CNBD1: variants seen among roughly 807,000 people sequenced by gnomAD.
CNBD1 encodes cyclic nucleotide-binding domain-containing protein 1.
Under a neutral mutation model 54.4 loss-of-function variants are expected in CNBD1, and 71 were observed. The ratio of observed to expected loss-of-function variants is 1.30; its 90% CI spans 1.08 to 1.59. The LOEUF is 1.59. Among genes scored for constraint, CNBD1 ranks in the 40% most tolerant of loss-of-function variants. The pLI is 0.00. For synonymous variants in CNBD1, 182 were observed against 170.7 expected, an observed-to-expected ratio of 1.07 and a Z score of -0.51; for missense variants, 659 against 518.0, an observed-to-expected ratio of 1.27 and a Z score of -2.64.
At chr8:87,208,396 A>G (rs77296820) in intron 5 of CNBD1, among the ~76,000 whole-genome samples, 1,853 of 151,898 alleles carry the variant, frequency 0.012, 18 homozygotes, top group South Asian at 0.05. Flanking sequence ...TTATTATATT[A>G]TTTACTGACT....
intron 4 of CNBD1, among the ~76,000 whole-genome samples, chr8:86,993,114 T>C (rs1056989516): frequency 6.6e-5 from 10 of 152,192 alleles, no homozygotes; most frequent in Non-Finnish European, 1.5e-4. Flanking sequence ...TTGGTCTCTT[T>C]ATATAATCCA....
chr8:87,045,492 G>T (rs1462918010), intron 4 of CNBD1, among the ~76,000 whole-genome samples: 3 of 152,076 alleles, frequency 2.0e-5, no homozygotes, highest in East Asian at 1.9e-4. Context: ...TTGGGAGGCG[G>T]AGGCGGGCGG....
chr8:86,892,069 C>G (rs1808776549), intron 2 of CNBD1, among the ~76,000 whole-genome samples: 1 of 151,832 alleles, frequency 6.6e-6, no homozygotes, highest in Non-Finnish European at 1.5e-5. Flanking sequence ...TGCCTAATTG[C>G]TCTGGCTAAA....
At chr8:87,268,967 C>G (rs1808313497) in intron 6 of CNBD1, among the ~76,000 whole-genome samples, 1 of 151,860 alleles carries the variant, frequency 6.6e-6, no homozygotes, top group Non-Finnish European at 1.5e-5. Context: ...TTGCAATTAC[C>G]TTTGGGGACT....
intron 4 of CNBD1, among the ~76,000 whole-genome samples, chr8:87,041,112 G>A (rs1041222369): frequency 3.3e-5 from 5 of 152,038 alleles, no homozygotes; most frequent in Admixed American, 6.6e-5. Flanking sequence ...TATATTTTTA[G>A]TGAGGTTCCA....
chr8:87,152,261 G>C (rs893941493), intron 4 of CNBD1, among the ~76,000 whole-genome samples: 2 of 152,072 alleles, frequency 1.3e-5, no homozygotes, highest in Admixed American at 1.3e-4. Flanking sequence ...AAATAGTAGG[G>C]CTTTGCTAAA....
At chr8:87,256,122 A>G (rs1046264489) in intron 6 of CNBD1, among the ~76,000 whole-genome samples, 1 of 144,408 alleles carries the variant, frequency 6.9e-6, no homozygotes, top group African/African-American at 2.6e-5. Context: ...TCCTGGGTTC[A>G]AGCGATTCTC....
chr8:87,253,729 G>A (rs1332046157), intron 6 of CNBD1, among the ~76,000 whole-genome samples: 2 of 152,134 alleles, frequency 1.3e-5, no homozygotes, highest in East Asian at 1.9e-4. Context: ...ACAGAAATGA[G>A]CATTTAAGTG....
intron 4 of CNBD1, among the ~76,000 whole-genome samples, chr8:87,176,059 T>A (rs948350790): frequency 3.9e-5 from 6 of 152,196 alleles, no homozygotes; most frequent in African/African-American, 1.4e-4. Flanking sequence ...CCAAGTGCAG[T>A]GATGCCACGT....
intron 4 of CNBD1, among the ~76,000 whole-genome samples, chr8:87,140,058 A>G (rs908066535): frequency 3.3e-5 from 5 of 152,182 alleles, no homozygotes; most frequent in Admixed American, 3.3e-4. Flanking sequence ...AAAGGAAAAA[A>G]AAATTGTAAT....
intron 5 of CNBD1, among the ~76,000 whole-genome samples, chr8:87,215,382 C>G (rs547858303): frequency 5.3e-5 from 8 of 151,954 alleles, no homozygotes; most frequent in African/African-American, 1.7e-4. Flanking sequence ...GTCAGGAGAT[C>G]GAGATCATCC....
intron 4 of CNBD1, among the ~76,000 whole-genome samples, chr8:87,085,211 T>C (rs2130670872): frequency 6.6e-6 from 1 of 152,312 alleles, no homozygotes; most frequent in South Asian, 2.1e-4. Flanking sequence ...GGCATTCTTC[T>C]TATCTGTTAC....
At chr8:87,160,868 T>C (rs1399803240) in intron 4 of CNBD1, among the ~76,000 whole-genome samples, 2 of 152,112 alleles carry the variant, frequency 1.3e-5, no homozygotes, top group Non-Finnish European at 2.9e-5. Context: ...GATGATTGGC[T>C]ATGTAAAGGT....
intron 3 of CNBD1, among the ~76,000 whole-genome samples, chr8:86,906,369 G>T (rs751718508): frequency 2.0e-5 from 3 of 152,122 alleles, no homozygotes; most frequent in African/African-American, 4.8e-5. Flanking sequence ...AGATGGAGTT[G>T]CTCTGCCTTT....
chr8:87,240,873 G>T (rs753733466), intron 6 of CNBD1, among the ~76,000 whole-genome samples: 1 of 152,086 alleles, frequency 6.6e-6, no homozygotes, highest in Non-Finnish European at 1.5e-5. Flanking sequence ...TTCAGGCAGT[G>T]ACCACTTGAA....
intron 4 of CNBD1, among the ~76,000 whole-genome samples, chr8:87,203,532 G>A (rs903788021): frequency 6.6e-6 from 1 of 152,132 alleles, no homozygotes; most frequent in African/African-American, 2.4e-5. Context: ...CATTCTAGCT[G>A]TGTAACTAGA....
intron 4 of CNBD1, among the ~76,000 whole-genome samples, chr8:87,043,905 A>G (rs1810126227): frequency 6.6e-6 from 1 of 152,214 alleles, no homozygotes; most frequent in African/African-American, 2.4e-5. Context: ...CCACTGTCAG[A>G]AAGAAGTTGG....
At chr8:87,414,686 T>C (rs944625366) in intron 2 of CNBD1, among the ~76,000 whole-genome samples, 1 of 152,054 alleles carries the variant, frequency 6.6e-6, no homozygotes, top group Non-Finnish European at 1.5e-5. Flanking sequence ...AATTAAACAT[T>C]ACTGGTTATC....
intron 1 of CNBD1, among the ~76,000 whole-genome samples, chr8:86,872,407 A>G (rs1808454909): frequency 6.6e-6 from 1 of 152,174 alleles, no homozygotes; most frequent in African/African-American, 2.4e-5. Flanking sequence ...CACATTTTAT[A>G]TAATCACATT....
Sources: allele counts gnomAD v4.1 joint callset (sites outside exome capture counted in the v4.1 genomes callset), GRCh38; gene constraint gnomAD v4.1.1; transcripts MANE v1.5; gene names NCBI Gene and HGNC (gene_info 2026-07-23, HGNC 2026-07-21).